Variants in SLC35F3 observed in about 807,000 individuals in gnomAD.
The protein encoded by SLC35F3 is putative thiamine transporter SLC35F3.
In SLC35F3, 25 loss-of-function variants were observed where a neutral mutation model predicts 49.9. The observed-to-expected ratio is 0.50, with a 90% confidence interval of 0.37 to 0.70. The LOEUF (loss-of-function observed/expected upper bound fraction) is 0.70. Among genes scored for constraint, SLC35F3 ranks in the 30% least tolerant of loss-of-function variants. SLC35F3 has a pLI of 0.00. For missense variants in SLC35F3, 525 were observed against 639.8 expected, an observed-to-expected ratio of 0.82 and a Z score of 1.94; for synonymous variants, 275 against 265.4, an observed-to-expected ratio of 1.04 and a Z score of -0.35.
intron 2 of SLC35F3, among the ~76,000 whole-genome samples, chr1:234,102,925 G>T (rs1665234311): frequency 6.6e-6 from 1 of 152,198 alleles, no homozygotes; most frequent in Non-Finnish European, 1.5e-5. Flanking sequence ...GTAAAAGTGG[G>T]CAGGGTAGAG....
chr1:234,042,031 A>T (rs1033760895), intron 2 of SLC35F3, among the ~76,000 whole-genome samples: 1 of 151,950 alleles, frequency 6.6e-6, no homozygotes, highest in African/African-American at 2.4e-5. Flanking sequence ...TGCCCAGTAA[A>T]TCTCCCTCCT....
intron 2 of SLC35F3, among the ~76,000 whole-genome samples, chr1:234,210,851 G>A (rs1267313359): frequency 6.6e-6 from 1 of 152,244 alleles, no homozygotes; most frequent in Non-Finnish European, 1.5e-5. Context: ...ATAACAAGGA[G>A]CTGAATGTTA....
At chr1:234,004,078 C>T (rs1384257805) in intron 2 of SLC35F3, among the ~76,000 whole-genome samples, 1 of 152,098 alleles carries the variant, frequency 6.6e-6, no homozygotes, top group African/African-American at 2.4e-5. Context: ...TCCCCTATGC[C>T]TTAGAAAGTG....
intron 2 of SLC35F3, among the ~76,000 whole-genome samples, chr1:234,194,644 C>T (rs965120868): frequency 6.6e-6 from 1 of 152,048 alleles, no homozygotes; most frequent in Admixed American, 6.6e-5. Context: ...GAAAGAGCAG[C>T]TTCAAGACCC....
chr1:234,097,551 C>G (rs1242511646), intron 2 of SLC35F3, among the ~76,000 whole-genome samples: 1 of 150,530 alleles, frequency 6.6e-6, no homozygotes, highest in Non-Finnish European at 1.5e-5. Context: ...CACGCACACA[C>G]ACGCACACAC....
At chr1:234,012,032 G>C (rs997136660) in intron 2 of SLC35F3, among the ~76,000 whole-genome samples, 1 of 152,168 alleles carries the variant, frequency 6.6e-6, no homozygotes, top group African/African-American at 2.4e-5. Flanking sequence ...AATGCGGTAG[G>C]AGAGCAGGGT....
chr1:234,093,615 G>A (rs1009291763), intron 2 of SLC35F3, among the ~76,000 whole-genome samples: 1 of 152,210 alleles, frequency 6.6e-6, no homozygotes, highest in African/African-American at 2.4e-5. Context: ...GTGGGACCAC[G>A]ACCCGAGGAG....
chr1:233,951,884 T>A (rs1662613458), intron 2 of SLC35F3, among the ~76,000 whole-genome samples: 1 of 152,084 alleles, frequency 6.6e-6, no homozygotes, highest in African/African-American at 2.4e-5. Context: ...CAAGACTTCT[T>A]TTATGTCAAA....
chr1:234,225,354 A>AT (rs1553316632), intron 2 of SLC35F3, among the ~76,000 whole-genome samples: 3 of 152,050 alleles, frequency 2.0e-5, no homozygotes, highest in East Asian at 1.9e-4. Context: ...ATTTTGCAAA[A>AT]CTTTTTGGTT....
chr1:233,930,374 G>T (rs1662223565), intron 2 of SLC35F3, among the ~76,000 whole-genome samples: 1 of 152,058 alleles, frequency 6.6e-6, no homozygotes, highest in Non-Finnish European at 1.5e-5. Context: ...AAAATCTTTT[G>T]ATTTTCTTTC....
At chr1:234,202,693 C>T (rs570537840) in intron 2 of SLC35F3, among the ~76,000 whole-genome samples, 7 of 152,332 alleles carry the variant, frequency 4.6e-5, no homozygotes, top group Non-Finnish European at 8.8e-5. Flanking sequence ...TGCCAGGGCA[C>T]CACAGAGATT....
intron 3 of SLC35F3, among the ~76,000 whole-genome samples, chr1:234,287,062 G>A (rs1043560019): frequency 1.3e-5 from 2 of 152,092 alleles, no homozygotes; most frequent in South Asian, 2.1e-4. Flanking sequence ...AGCTTGGCAC[G>A]GTGGTGTGTA....
chr1:234,034,044 A>T (rs1234691187), intron 2 of SLC35F3, among the ~76,000 whole-genome samples: 3 of 152,124 alleles, frequency 2.0e-5, no homozygotes, highest in African/African-American at 7.2e-5. Context: ...GCAGTGTTTT[A>T]TAGTTTACCT....
intron 2 of SLC35F3, among the ~76,000 whole-genome samples, chr1:233,970,813 C>A (rs1662979248): frequency 6.6e-6 from 1 of 152,176 alleles, no homozygotes; most frequent in Admixed American, 6.5e-5. Flanking sequence ...GGATCTCAGC[C>A]TTCCAGCCTC....
intron 2 of SLC35F3, among the ~76,000 whole-genome samples, chr1:234,024,380 G>T (rs1467092193): frequency 6.6e-6 from 1 of 152,230 alleles, no homozygotes; most frequent in Non-Finnish European, 1.5e-5. Context: ...ACTTCACCCA[G>T]TGGAGGTGTT....
chr1:234,241,781 C>T (rs1057162603), intron 3 of SLC35F3, among the ~76,000 whole-genome samples: 2 of 150,808 alleles, frequency 1.3e-5, no homozygotes, highest in Non-Finnish European at 2.9e-5. Flanking sequence ...CCTGTTTACA[C>T]GGTGGGCTAC....
chr1:234,298,493 A>T (rs1668640392), intron 3 of SLC35F3, among the ~76,000 whole-genome samples: 1 of 152,256 alleles, frequency 6.6e-6, no homozygotes, highest in Non-Finnish European at 1.5e-5. Flanking sequence ...AGTGGCTTAG[A>T]CGAAGTGTTA....
At chr1:233,979,559 C>G (rs1194971473) in intron 2 of SLC35F3, among the ~76,000 whole-genome samples, 1 of 152,148 alleles carries the variant, frequency 6.6e-6, no homozygotes, top group Admixed American at 6.5e-5. Flanking sequence ...AGCGTGTGCT[C>G]TGTGGATAGA....
At chr1:234,058,219 A>T (rs1395307937) in intron 2 of SLC35F3, among the ~76,000 whole-genome samples, 5 of 143,086 alleles carry the variant, frequency 3.5e-5, no homozygotes, top group African/African-American at 1.3e-4. Context: ...TTTGCTTTAT[A>T]TTTCATTCAC....
Sources: allele counts gnomAD v4.1 joint callset (sites outside exome capture counted in the v4.1 genomes callset), GRCh38; gene constraint gnomAD v4.1.1; transcripts MANE v1.5; gene names NCBI Gene and HGNC (gene_info 2026-07-23, HGNC 2026-07-21).